SLC9A9: variants seen among roughly 807,000 people sequenced by gnomAD.
SLC9A9 encodes the protein sodium/hydrogen exchanger 9.
Under a neutral mutation model 77.8 loss-of-function variants are expected in SLC9A9, and 62 were observed. The observed-to-expected ratio is 0.80, with a 90% CI of 0.65 to 0.98. The LOEUF is 0.98. Ranked by LOEUF, SLC9A9 falls within the 50% of genes least tolerant of loss-of-function variation. The pLI is 0.00. For synonymous variants in SLC9A9, 320 were observed against 283.5 expected (o/e 1.13, Z -1.29); for missense variants, 775 against 774.9 (o/e 1.00, Z 0.00).
intron 14 of SLC9A9, among the ~76,000 whole-genome samples, chr3:143,341,714 G>C (rs1358086494): frequency 6.6e-6 from 1 of 152,130 alleles, no homozygotes; most frequent in East Asian, 1.9e-4. Flanking sequence ...AGAACACAGT[G>C]TTATATAGGT....
chr3:143,754,668 A>C (rs1457454384), intron 4 of SLC9A9, among the ~76,000 whole-genome samples: 1 of 152,170 alleles, frequency 6.6e-6, no homozygotes, highest in Non-Finnish European at 1.5e-5. Flanking sequence ...CTCAAGAGGA[A>C]AGGACAAGGG....
chr3:143,518,319 T>A, intron 9 of SLC9A9: 1 of 729,870 alleles, frequency 1.4e-6, no homozygotes, highest in Non-Finnish European at 2.3e-6. Context: ...AAGGGCTGTT[T>A]AACTACTTTC....
chr3:143,748,589 C>G (rs1463584684), intron 4 of SLC9A9, among the ~76,000 whole-genome samples: 1 of 151,724 alleles, frequency 6.6e-6, no homozygotes, highest in African/African-American at 2.4e-5. Flanking sequence ...CAAAAGGTAA[C>G]TGAATGAGAA....
chr3:143,424,856 T>C (rs888809199), intron 12 of SLC9A9, among the ~76,000 whole-genome samples: 2 of 152,228 alleles, frequency 1.3e-5, no homozygotes, highest in African/African-American at 4.8e-5. Flanking sequence ...GCCTACGTTA[T>C]CTGTGTCCCA....
At chr3:143,581,686 A>C (rs1229641955) in intron 6 of SLC9A9, among the ~76,000 whole-genome samples, 1 of 152,212 alleles carries the variant, frequency 6.6e-6, no homozygotes, top group Non-Finnish European at 1.5e-5. Flanking sequence ...ACATAAACCC[A>C]CATCAGGATA....
intron 14 of SLC9A9, among the ~76,000 whole-genome samples, chr3:143,327,059 G>T (rs1302601146): frequency 1.3e-5 from 2 of 152,022 alleles, no homozygotes; most frequent in Non-Finnish European, 2.9e-5. Context: ...GCTCATAAAT[G>T]GTCCCTGCAA....
At chr3:143,535,889 C>T (rs1193257790) in intron 9 of SLC9A9, among the ~76,000 whole-genome samples, 1 of 152,112 alleles carries the variant, frequency 6.6e-6, no homozygotes. Flanking sequence ...GAGTTTTCTC[C>T]TAATTCACAC....
At chr3:143,780,173 G>A (rs934540363) in intron 4 of SLC9A9, among the ~76,000 whole-genome samples, 3 of 152,158 alleles carry the variant, frequency 2.0e-5, no homozygotes, top group African/African-American at 7.2e-5. Flanking sequence ...TTGGAAGACA[G>A]ATATTTGCCT....
intron 14 of SLC9A9, among the ~76,000 whole-genome samples, chr3:143,311,725 T>C (rs760184039): frequency 8.3e-4 from 126 of 152,182 alleles, no homozygotes; most frequent in Non-Finnish European, 1.7e-3. Flanking sequence ...CACATCTAAT[T>C]ATGGTGACAA....
At chr3:143,711,798 C>T (rs1368459589) in intron 4 of SLC9A9, among the ~76,000 whole-genome samples, 1 of 152,122 alleles carries the variant, frequency 6.6e-6, no homozygotes, top group Non-Finnish European at 1.5e-5. Context: ...TCTCACCACT[C>T]CAGCAACAGA....
intron 12 of SLC9A9, among the ~76,000 whole-genome samples, chr3:143,439,460 C>T (rs1019414717): frequency 8.1e-5 from 12 of 148,948 alleles, no homozygotes; most frequent in Non-Finnish European, 1.5e-4. Context: ...AGGAAAGGAC[C>T]GTGGAGAAGA....
At chr3:143,338,469 G>C (rs529269500) in intron 14 of SLC9A9, among the ~76,000 whole-genome samples, 1 of 152,302 alleles carries the variant, frequency 6.6e-6, no homozygotes, top group African/African-American at 2.4e-5. Flanking sequence ...CAGTAAGCGA[G>C]AGAGCTAGAC....
chr3:143,687,437 A>G (rs1189566224), intron 5 of SLC9A9, among the ~76,000 whole-genome samples: 3 of 152,104 alleles, frequency 2.0e-5, no homozygotes, highest in Admixed American at 1.3e-4. Context: ...TTTAGCAGAG[A>G]GTGGGTTCGG....
chr3:143,308,324 C>T (rs1253382380), intron 14 of SLC9A9, among the ~76,000 whole-genome samples: 1 of 152,144 alleles, frequency 6.6e-6, no homozygotes, highest in Non-Finnish European at 1.5e-5. Flanking sequence ...CGCCTGTAAT[C>T]CTAGCACTTT....
intron 8 of SLC9A9, among the ~76,000 whole-genome samples, chr3:143,563,046 G>A (rs1206458935): frequency 6.6e-6 from 1 of 152,064 alleles, no homozygotes; most frequent in East Asian, 1.9e-4. Flanking sequence ...ATTGACTGCA[G>A]GGACTCATTT....
intron 9 of SLC9A9, among the ~76,000 whole-genome samples, chr3:143,501,699 A>G (rs1333652319): frequency 1.3e-5 from 2 of 151,066 alleles, no homozygotes; most frequent in Non-Finnish European, 2.9e-5. Flanking sequence ...TTTCACAGCA[A>G]TGCAACAGTA....
intron 14 of SLC9A9, among the ~76,000 whole-genome samples, chr3:143,320,038 G>T (rs1424204521): frequency 6.6e-6 from 1 of 152,212 alleles, no homozygotes; most frequent in Non-Finnish European, 1.5e-5. Context: ...TTCCATTGGA[G>T]ATAGATCCCA....
At chr3:143,300,441 T>G (rs984906953) in intron 14 of SLC9A9, among the ~76,000 whole-genome samples, 1 of 152,192 alleles carries the variant, frequency 6.6e-6, no homozygotes, top group Non-Finnish European at 1.5e-5. Context: ...TGTATAAACT[T>G]TTTTAGGGGG....
chr3:143,378,521 G>A (rs2033232752), intron 13 of SLC9A9, among the ~76,000 whole-genome samples: 1 of 152,224 alleles, frequency 6.6e-6, no homozygotes, highest in Non-Finnish European at 1.5e-5. Flanking sequence ...CAACGAATAT[G>A]GGAGTGAGTA....
Sources: gnomAD v4.1 joint callset for allele counts (sites outside exome capture counted in the v4.1 genomes callset) on GRCh38, gnomAD v4.1.1 for gene constraint, MANE v1.5 for transcripts, NCBI Gene and HGNC (gene_info 2026-07-23, HGNC 2026-07-21) for gene names.